The following NUP37 variants were observed in gnomAD, a reference collection of about 807,000 sequenced individuals.
NUP37 encodes the protein nucleoporin Nup37.
Under a neutral mutation model 45.4 loss-of-function variants are expected in NUP37, and 33 were observed. The observed-to-expected ratio is 0.73, with a 90% CI of 0.55 to 0.97. The LOEUF is 0.97. Among genes scored for constraint, NUP37 ranks in the 50% least tolerant of loss-of-function variants. The pLI is 0.00. For synonymous variants in NUP37, 127 were observed against 130.7 expected (o/e 0.97, Z 0.19); for missense variants, 365 against 389.7 (o/e 0.94, Z 0.53).
chr12:102,075,872 C>T (rs1043328804), intron 8 of NUP37, among the ~76,000 whole-genome samples: 2 of 152,008 alleles, frequency 1.3e-5, no homozygotes, highest in African/African-American at 4.8e-5. Context: ...TCCTTCTTCT[C>T]CTCTTACTTT....
At chr12:102,095,590 C>T (rs185979086) in intron 5 of NUP37, among the ~76,000 whole-genome samples, 9 of 152,122 alleles carry the variant, frequency 5.9e-5, no homozygotes, top group Admixed American at 4.6e-4. Context: ...ATCTATCAGA[C>T]GCTTGCTTTT....
intron 1 of NUP37, 73 bp downstream of exon 1, chr12:102,119,977 G>C (rs1880716109): frequency 6.5e-6 from 1 of 153,474 alleles, no homozygotes; most frequent in Non-Finnish European, 1.5e-5. Flanking sequence ...AGAACTCCTG[G>C]GAATAGAGTG....
intron 5 of NUP37, among the ~76,000 whole-genome samples, chr12:102,088,630 C>T (rs1210485476): frequency 6.7e-6 from 1 of 150,366 alleles, no homozygotes; most frequent in African/African-American, 2.4e-5. Flanking sequence ...ACTTCTTTTA[C>T]TCATCATTAG....
chr12:102,091,670 A>C (rs919260449), intron 5 of NUP37, among the ~76,000 whole-genome samples: 1 of 152,154 alleles, frequency 6.6e-6, no homozygotes, highest in Non-Finnish European at 1.5e-5. Flanking sequence ...GTGCCAATAC[A>C]GACCAAATCA....
chr12:102,105,398 C>T (rs956726780), intron 3 of NUP37, among the ~76,000 whole-genome samples: 1 of 151,752 alleles, frequency 6.6e-6, no homozygotes. Context: ...GGTGCAGTGG[C>T]GTGTGCCTGT....
intron 2 of NUP37, 73 bp downstream of exon 2, chr12:102,118,290 A>T: frequency 1.5e-6 from 2 of 1,360,770 alleles, no homozygotes; most frequent in Non-Finnish European, 2.0e-6. Flanking sequence ...TTCAAAGTTT[A>T]GATTTGGTTT....
rs944875054 is a variant in NUP37, at chr12:102,075,068, A to G, written c.800T>C (p.Phe267Ser). 1 of 1,611,360 alleles carries G rather than the reference A, an allele frequency of 6.2e-7. No individual in the cohort carries two copies. The highest frequency in any genetic ancestry group is 8.5e-7 in the Non-Finnish European group (1 of 1,178,358). Residue 267 changes from phenylalanine (F) to serine (S), a missense_variant, in exon 9 of 10, where the codon TTT becomes TCT. Physicochemically the swap from Phe to Ser is radical, Grantham distance 155 (BLOSUM62 -2). Transcript: ENST00000552283. ...TTTGCCAGGATAACCAGTGGTTGCA[A>G]ACAGATTTTCACTAATTGTGGACCA... ...FRWSTISENLFATTGYPGKMA... is the reference protein window; with the variant it reads ...FRWSTISENLSATTGYPGKMA...
At position 102,091,956 on chromosome 12, in the gene NUP37, G is replaced by A. The variant is rs11111159; in HGVS notation, c.450-6100C>T. Among the ~76,000 whole-genome samples the A allele has an allele frequency of 2.0e-3, 310 of 152,100 alleles. 10 individuals carry two copies. In the East Asian group the frequency reaches 0.047, roughly 23 times the overall value. The stretch of plus-strand genomic sequence containing the variant: ...AGAACATTAAGTATCCCTACCATAT[G>A]GTATTTAAATGTTATTGTCCCAATA... On this transcript the variant is annotated intron_variant, in intron 5 of 9. Transcript: ENST00000552283.
At chr12:102,088,658 A>C (rs1318991466) in intron 5 of NUP37, among the ~76,000 whole-genome samples, 1 of 142,364 alleles carries the variant, frequency 7.0e-6, no homozygotes, top group African/African-American at 2.6e-5. Context: ...GAGATTTACC[A>C]CCATTTGTTG....
chr12:102,093,062 CAA>C (rs1879706874), intron 5 of NUP37, among the ~76,000 whole-genome samples: 1 of 151,514 alleles, frequency 6.6e-6, no homozygotes. Flanking sequence ...ATTAAAAGGG[CAA>C]AAATGAGATA....
chr12:102,116,755 A>C (rs983979874), intron 2 of NUP37, among the ~76,000 whole-genome samples: 2 of 152,260 alleles, frequency 1.3e-5, no homozygotes, highest in Non-Finnish European at 2.9e-5. Flanking sequence ...CTGTAATCCC[A>C]GTACTTTGGG....
At position 102,118,556 on chromosome 12, in the gene NUP37, T is replaced by C. The variant is rs1468778857; in HGVS notation, c.-38A>G. The C allele has an allele frequency of 3.1e-6, 5 of 1,593,066 alleles. No homozygotes were observed. In the African/African-American group the frequency reaches 4.0e-5, roughly 13 times the overall value. ...AATTCAAGCAGTTGTGAAAATTAAA[T>C]AGCCTTCTACTGGACAAGGTCACGA... On this transcript the variant is annotated 5_prime_UTR_variant, in exon 2 of 10. Transcript: ENST00000552283.
chr12:102,074,376 A>T lies in NUP37; in HGVS notation c.959T>A (p.Leu320Ter), dbSNP rs1879109399. 6.2e-7 allele frequency: 1 copy of T among 1,612,048 alleles called. No individual in the cohort carries two copies. Among genetic ancestry groups the T allele is most frequent in the South Asian group, 1.1e-5 (1 of 90,798 alleles). ...LCVIGGDHKL[L>*]FWVTEV ...ACTTTATACTTCAGTCACCCAAAAC[A>T]ACAGCTTGTGGTCTCCTCCAATTAC... is the stretch of plus-strand genomic sequence containing the variant. Residue 320 changes from leucine to a stop codon, truncating the protein, a stop_gained, in exon 10 of 10, where the codon TTG becomes TAG. Coordinates refer to ENST00000552283, the MANE Select transcript of NUP37 (RefSeq NM_024057.4). LOFTEE classifies it high-confidence loss of function.
chr12:102,117,724 A>T (rs559693776), intron 2 of NUP37, among the ~76,000 whole-genome samples: 1 of 152,274 alleles, frequency 6.6e-6, no homozygotes, highest in East Asian at 1.9e-4. Context: ...ATATACTAAA[A>T]TTCAAGCATT....
chr12:102,086,304 T>C (rs959845018), intron 5 of NUP37, among the ~76,000 whole-genome samples: 1 of 152,136 alleles, frequency 6.6e-6, no homozygotes, highest in African/African-American at 2.4e-5. Flanking sequence ...CAAAACAACA[T>C]ACAGAGAAGC....
At chr12:102,098,539 T>G (rs530109518) in intron 5 of NUP37, among the ~76,000 whole-genome samples, 160 of 152,142 alleles carry the variant, frequency 1.1e-3, no homozygotes, top group African/African-American at 3.6e-3. Flanking sequence ...GTTTGTGTTT[T>G]TTTTTTTTTT....
At chr12:102,079,160 A>G (rs1354897732) in intron 6 of NUP37, 1 of 450,542 alleles carries the variant, frequency 2.2e-6, no homozygotes, top group Non-Finnish European at 4.5e-6. Flanking sequence ...TTTGGCATCA[A>G]AACTCCTGAG....
chr12:102,076,001 G>T (rs1443183923), intron 8 of NUP37, among the ~76,000 whole-genome samples: 3 of 152,086 alleles, frequency 2.0e-5, no homozygotes, highest in Non-Finnish European at 4.4e-5. Context: ...ATAGCAGAGG[G>T]AAAGGATGAA....
intron 3 of NUP37, among the ~76,000 whole-genome samples, chr12:102,102,500 A>G (rs1257188530): frequency 6.6e-6 from 1 of 152,176 alleles, no homozygotes; most frequent in Non-Finnish European, 1.5e-5. Context: ...CATATTGTTG[A>G]TATTAGCCCC....
Sources: gnomAD v4.1 joint callset for allele counts (sites outside exome capture counted in the v4.1 genomes callset) on GRCh38, gnomAD v4.1.1 for gene constraint, MANE v1.5 for transcripts, NCBI Gene and HGNC (gene_info 2026-07-23, HGNC 2026-07-21) for gene names.